The following HS6ST3 variants were observed in gnomAD, a reference collection of about 807,000 sequenced individuals.
HS6ST3 encodes heparan sulfate 6-O-sulfotransferase 3.
In HS6ST3, 12 loss-of-function variants were observed where a neutral mutation model predicts 36.7. The ratio of observed to expected loss-of-function variants is 0.33; its 90% CI spans 0.21 to 0.53. The LOEUF is 0.53. Ranked by LOEUF, HS6ST3 falls within the 20% of genes least tolerant of loss-of-function variation. HS6ST3 has a pLI of 0.95. For synonymous variants in HS6ST3, 240 were observed against 257.5 expected, an observed-to-expected ratio of 0.93 and a Z score of 0.65; for missense variants, 584 against 640.9, an observed-to-expected ratio of 0.91 and a Z score of 0.96.
At chr13:96,746,626 A>G (rs1037435110) in intron 1 of HS6ST3, among the ~76,000 whole-genome samples, 1 of 152,152 alleles carries the variant, frequency 6.6e-6, no homozygotes, top group Non-Finnish European at 1.5e-5. Context: ...ATCATGAAGC[A>G]TAATTATAAA....
intron 1 of HS6ST3, among the ~76,000 whole-genome samples, chr13:96,751,162 C>T (rs1483653188): frequency 1.3e-5 from 2 of 152,068 alleles, no homozygotes; most frequent in African/African-American, 4.8e-5. Context: ...GGGTGCTCCT[C>T]CTCCCAGAAT....
intron 1 of HS6ST3, among the ~76,000 whole-genome samples, chr13:96,314,422 T>A (rs1269305707): frequency 6.6e-6 from 1 of 152,198 alleles, no homozygotes; most frequent in Non-Finnish European, 1.5e-5. Context: ...ATTTTTCAGA[T>A]ATTTTCTTAA....
At chr13:96,654,672 T>C (rs1393090768) in intron 1 of HS6ST3, among the ~76,000 whole-genome samples, 1 of 151,930 alleles carries the variant, frequency 6.6e-6, no homozygotes, top group Non-Finnish European at 1.5e-5. Flanking sequence ...TTGTGTTTGA[T>C]TCTTGTCTTC....
intron 1 of HS6ST3, among the ~76,000 whole-genome samples, chr13:96,238,602 G>A (rs1243461460): frequency 1.3e-5 from 2 of 152,138 alleles, no homozygotes; most frequent in Non-Finnish European, 2.9e-5. Flanking sequence ...TTATTCTCTA[G>A]CACAGTACCA....
At chr13:96,617,046 G>C (rs2056477067) in intron 1 of HS6ST3, among the ~76,000 whole-genome samples, 1 of 152,134 alleles carries the variant, frequency 6.6e-6, no homozygotes, top group African/African-American at 2.4e-5. Flanking sequence ...CCTAGTGCTG[G>C]CATCTTAAAC....
chr13:96,240,999 A>T (rs2054556914), intron 1 of HS6ST3, among the ~76,000 whole-genome samples: 1 of 152,234 alleles, frequency 6.6e-6, no homozygotes, highest in Non-Finnish European at 1.5e-5. Flanking sequence ...ATGCCCTGGC[A>T]TATGAAGGGC....
At chr13:96,477,842 C>T (rs894107409) in intron 1 of HS6ST3, among the ~76,000 whole-genome samples, 7 of 152,108 alleles carry the variant, frequency 4.6e-5, no homozygotes, top group Non-Finnish European at 8.8e-5. Flanking sequence ...TGCTTCAGTC[C>T]AGCCTGGGTG....
chr13:96,459,215 G>A (rs2055770296), intron 1 of HS6ST3, among the ~76,000 whole-genome samples: 1 of 151,126 alleles, frequency 6.6e-6, no homozygotes, highest in South Asian at 2.1e-4. Flanking sequence ...TACTTCCTGA[G>A]GATATAATTA....
At chr13:96,713,423 AAC>A (rs1315387463) in intron 1 of HS6ST3, among the ~76,000 whole-genome samples, 1 of 152,180 alleles carries the variant, frequency 6.6e-6, no homozygotes, top group Non-Finnish European at 1.5e-5. Flanking sequence ...AGATGTTTAA[AAC>A]ACACATTATT....
chr13:96,634,403 GT>G (rs1411302167), intron 1 of HS6ST3, among the ~76,000 whole-genome samples: 4 of 152,122 alleles, frequency 2.6e-5, no homozygotes, highest in African/African-American at 9.7e-5. Flanking sequence ...GGACCTGTAA[GT>G]TTAGAGGTTT....
intron 1 of HS6ST3, among the ~76,000 whole-genome samples, chr13:96,344,896 CTT>C (rs2055146517): frequency 6.6e-6 from 1 of 152,124 alleles, no homozygotes; most frequent in Non-Finnish European, 1.5e-5. Flanking sequence ...AGCTTTCTCT[CTT>C]ATTATTTGCT....
intron 1 of HS6ST3, among the ~76,000 whole-genome samples, chr13:96,264,292 C>T (rs896432724): frequency 6.6e-6 from 1 of 152,124 alleles, no homozygotes; most frequent in African/African-American, 2.4e-5. Context: ...TGGGTGAGAT[C>T]TCCAGAATAA....
At chr13:96,437,182 A>G (rs1156253955) in intron 1 of HS6ST3, among the ~76,000 whole-genome samples, 2 of 152,202 alleles carry the variant, frequency 1.3e-5, no homozygotes, top group East Asian at 1.9e-4. Flanking sequence ...TACCAACTCA[A>G]GATGCCTCCC....
chr13:96,564,665 T>G (rs1300224098), intron 1 of HS6ST3, among the ~76,000 whole-genome samples: 1 of 152,148 alleles, frequency 6.6e-6, no homozygotes, highest in African/African-American at 2.4e-5. Flanking sequence ...CTTAATTAAA[T>G]TAGCAGAAAT....
chr13:96,701,546 T>C, intron 1 of HS6ST3, among the ~76,000 whole-genome samples: 1 of 152,050 alleles, frequency 6.6e-6, no homozygotes, highest in South Asian at 2.1e-4. Context: ...GGAAAGTCAG[T>C]CAAAATTTAA....
At chr13:96,615,104 T>C (rs1326853181) in intron 1 of HS6ST3, among the ~76,000 whole-genome samples, 1 of 152,178 alleles carries the variant, frequency 6.6e-6, no homozygotes, top group African/African-American at 2.4e-5. Context: ...CTTATATTAG[T>C]ATTAGATTGG....
At chr13:96,586,453 G>C (rs1029072179) in intron 1 of HS6ST3, among the ~76,000 whole-genome samples, 2 of 151,938 alleles carry the variant, frequency 1.3e-5, no homozygotes, top group African/African-American at 4.8e-5. Context: ...GCACCACCGT[G>C]CCTGGCTAAT....
intron 1 of HS6ST3, among the ~76,000 whole-genome samples, chr13:96,251,527 GAC>G (rs892330609): frequency 1.3e-5 from 2 of 151,774 alleles, no homozygotes; most frequent in Non-Finnish European, 2.9e-5. Context: ...CTTTTAAAAA[GAC>G]AACTAGTTTT....
At chr13:96,437,505 C>A (rs575564405) in intron 1 of HS6ST3, among the ~76,000 whole-genome samples, 1 of 152,328 alleles carries the variant, frequency 6.6e-6, no homozygotes, top group African/African-American at 2.4e-5. Flanking sequence ...ATCTTTCTCC[C>A]AGCAGGGCTA....
Sources: allele counts gnomAD v4.1 joint callset (sites outside exome capture counted in the v4.1 genomes callset), GRCh38; gene constraint gnomAD v4.1.1; transcripts MANE v1.5; gene names NCBI Gene and HGNC (gene_info 2026-07-23, HGNC 2026-07-21).